Variants in CSMD1 observed in about 807,000 individuals in gnomAD.
CSMD1 encodes CUB and Sushi multiple domains 1.
In CSMD1, 213 loss-of-function variants were observed where a neutral mutation model predicts 417.5. That is an observed-to-expected ratio of 0.51 (90% confidence interval 0.46 to 0.57). The LOEUF is 0.57. Ranked by LOEUF, CSMD1 falls within the 20% of genes least tolerant of loss-of-function variation. CSMD1 has a pLI of 0.00. For missense variants in CSMD1, 6,923 were observed against 4,529.7 expected, an observed-to-expected ratio of 1.53 and a Z score of -15.17; for synonymous variants, 2,862 against 1,736.8, an observed-to-expected ratio of 1.65 and a Z score of -16.11.
chr8:4,024,727 A>G (rs1294332642), intron 4 of CSMD1, among the ~76,000 whole-genome samples: 1 of 152,200 alleles, frequency 6.6e-6, no homozygotes, highest in East Asian at 1.9e-4. Flanking sequence ...GGAGTTGCAC[A>G]TAGGAGCTAC....
intron 3 of CSMD1, among the ~76,000 whole-genome samples, chr8:4,168,417 A>G (rs1432107392): frequency 6.6e-6 from 1 of 151,938 alleles, no homozygotes; most frequent in African/African-American, 2.4e-5. Context: ...TATATTTTAC[A>G]TTTATTTTTT....
At chr8:3,228,338 G>A (rs1417132882) in intron 27 of CSMD1, among the ~76,000 whole-genome samples, 1 of 152,114 alleles carries the variant, frequency 6.6e-6, no homozygotes, top group Non-Finnish European at 1.5e-5. Flanking sequence ...TTCTTACAGA[G>A]GACATAAACC....
chr8:4,798,854 T>A (rs1015716264), intron 1 of CSMD1, among the ~76,000 whole-genome samples: 71 of 152,188 alleles, frequency 4.7e-4, no homozygotes, highest in African/African-American at 1.5e-3. Flanking sequence ...CCTCTGTATA[T>A]CACAGATGCC....
chr8:4,023,202 C>A (rs1384020852), intron 4 of CSMD1, among the ~76,000 whole-genome samples: 1 of 152,170 alleles, frequency 6.6e-6, no homozygotes, highest in Non-Finnish European at 1.5e-5. Flanking sequence ...AGGCTACAGA[C>A]CTTCAGGGAA....
In CSMD1 at chr8:4,912,179, A is replaced by AATG. The variant is rs1291594544; in HGVS notation, c.85+82150_85+82152dup. 2.7e-5 allele frequency among the ~76,000 whole-genome samples: 4 copies of AATG among 150,530 alleles called. No homozygotes were observed. The South Asian group carries it at 8.4e-4, about 32-fold the overall frequency. On this transcript the variant is annotated intron_variant, in intron 1 of 69. Coordinates refer to ENST00000635120, the MANE Select transcript of CSMD1 (RefSeq NM_033225.6). ...AGAAAAGAACGGAAAAGAAAAAGAC[A>AATG]ATGCATAAAATTAGAAAAGTCCTCT...
intron 7 of CSMD1, among the ~76,000 whole-genome samples, chr8:3,648,675 T>C (rs949970393): frequency 6.6e-6 from 1 of 152,228 alleles, no homozygotes; most frequent in Non-Finnish European, 1.5e-5. Flanking sequence ...CATACGGCTA[T>C]ACCAAATCCT....
intron 1 of CSMD1, among the ~76,000 whole-genome samples, chr8:4,692,318 A>C (rs1806819739): frequency 6.6e-6 from 1 of 152,192 alleles, no homozygotes; most frequent in South Asian, 2.1e-4. Context: ...GGAAATTTAA[A>C]AACAAAAAAA....
chr8:4,330,496 A>G (rs1194272025), intron 3 of CSMD1, among the ~76,000 whole-genome samples: 1 of 152,004 alleles, frequency 6.6e-6, no homozygotes, highest in East Asian at 1.9e-4. Flanking sequence ...AGGCTGAGAC[A>G]GGAGGATCAC....
At chr8:4,808,868 G>A (rs1025098492) in intron 1 of CSMD1, among the ~76,000 whole-genome samples, 11 of 152,210 alleles carry the variant, frequency 7.2e-5, no homozygotes, top group African/African-American at 2.4e-4. Context: ...TCTCCAACAA[G>A]TCTGGATCCA....
intron 5 of CSMD1, among the ~76,000 whole-genome samples, chr8:3,902,281 A>G (rs1373886193): frequency 6.6e-6 from 1 of 152,122 alleles, no homozygotes; most frequent in Non-Finnish European, 1.5e-5. Flanking sequence ...TCATGCCCTC[A>G]CCCATTACTG....
chr8:4,949,492 C>A (rs1046763688), intron 1 of CSMD1, among the ~76,000 whole-genome samples: 2 of 152,136 alleles, frequency 1.3e-5, no homozygotes, highest in Non-Finnish European at 2.9e-5. Flanking sequence ...TAGTTCTCAA[C>A]CAGGGGCAAT....
intron 1 of CSMD1, among the ~76,000 whole-genome samples, chr8:4,815,805 T>A (rs2117358789): frequency 6.6e-6 from 1 of 152,186 alleles, no homozygotes; most frequent in East Asian, 1.9e-4. Context: ...TCTTATAAAT[T>A]ATTCAAGTAA....
At chr8:3,406,922 C>T (rs542041722) in intron 14 of CSMD1, among the ~76,000 whole-genome samples, 1 of 152,156 alleles carries the variant, frequency 6.6e-6, no homozygotes, top group African/African-American at 2.4e-5. Flanking sequence ...ATCCTTGGCT[C>T]CTGACATCAT....
At chr8:3,675,764 T>C (rs1219885970) in intron 7 of CSMD1, among the ~76,000 whole-genome samples, 1 of 152,052 alleles carries the variant, frequency 6.6e-6, no homozygotes, top group Non-Finnish European at 1.5e-5. Flanking sequence ...CTGTGAGAAA[T>C]ATATGTCTGT....
chr8:4,549,671 T>A (rs112659658), intron 2 of CSMD1, among the ~76,000 whole-genome samples: 1 of 151,874 alleles, frequency 6.6e-6, no homozygotes, highest in African/African-American at 2.4e-5. Flanking sequence ...GGAAGATCAC[T>A]TGAGTTCAGG....
chr8:3,210,134 G>A (rs180892338), intron 30 of CSMD1, among the ~76,000 whole-genome samples: 15 of 152,288 alleles, frequency 9.8e-5, no homozygotes, highest in Admixed American at 8.5e-4. Flanking sequence ...AAAAGGCCCC[G>A]AGGTTAACTG....
At chr8:3,688,999 T>G (rs564867839) in intron 7 of CSMD1, among the ~76,000 whole-genome samples, 1 of 152,316 alleles carries the variant, frequency 6.6e-6, no homozygotes, top group East Asian at 1.9e-4. Flanking sequence ...AGGCTCTGCA[T>G]AGAGTTATGT....
chr8:4,120,440 C>T (rs1191716078), intron 3 of CSMD1, among the ~76,000 whole-genome samples: 13 of 152,174 alleles, frequency 8.5e-5, no homozygotes, highest in African/African-American at 2.9e-4. Context: ...CTTCCTCCTC[C>T]TCTCTGTCTC....
At chr8:3,966,134 C>T (rs2130027926) in intron 5 of CSMD1, among the ~76,000 whole-genome samples, 1 of 152,258 alleles carries the variant, frequency 6.6e-6, no homozygotes, top group South Asian at 2.1e-4. Flanking sequence ...CCCATCCATG[C>T]TACTTATAAT....
Sources: allele counts gnomAD v4.1 joint callset (sites outside exome capture counted in the v4.1 genomes callset), GRCh38; gene constraint gnomAD v4.1.1; transcripts MANE v1.5; gene names NCBI Gene and HGNC (gene_info 2026-07-23, HGNC 2026-07-21).